Variants in FHIP1A observed in about 807,000 individuals in gnomAD.
The protein encoded by FHIP1A is FHF complex subunit HOOK-interacting protein 1A.
Under a neutral mutation model 88.6 loss-of-function variants are expected in FHIP1A, and 61 were observed. The observed-to-expected ratio is 0.69, with a 90% CI of 0.56 to 0.85. The LOEUF (loss-of-function observed/expected upper bound fraction) is 0.85, where lower values mean the gene tolerates loss of function less well. Among genes scored for constraint, FHIP1A ranks in the 40% least tolerant of loss-of-function variants. FHIP1A has a pLI of 0.00. For missense variants in FHIP1A, 1,154 were observed against 1,273.5 expected, an observed-to-expected ratio of 0.91 and a Z score of 1.43; for synonymous variants, 478 against 496.0, an observed-to-expected ratio of 0.96 and a Z score of 0.48.
At chr4:151,479,537 G>A (rs1056288049) in intron 2 of FHIP1A, among the ~76,000 whole-genome samples, 2 of 152,058 alleles carry the variant, frequency 1.3e-5, no homozygotes, top group African/African-American at 2.4e-5. Flanking sequence ...AGCTTCATGT[G>A]TTTGAAAACT....
chr4:151,647,230 T>C lies in FHIP1A; in HGVS notation c.1417+482T>C, dbSNP rs531920558. 2.0e-5 allele frequency among the ~76,000 whole-genome samples: 3 copies of C among 152,366 alleles called. No individual in the cohort carries two copies. In the South Asian group the frequency reaches 6.2e-4, roughly 32 times the overall value. ...ATTTGATTGACCTAATGAGGAAGGC[T>C]GCCATAAATACTTTACAGGGGTTAT... is the stretch of plus-strand genomic sequence containing the variant. On this transcript the variant is annotated intron_variant, in intron 10 of 13. Coordinates refer to ENST00000435205, the MANE Select transcript of FHIP1A (RefSeq NM_001109977.3).
At chr4:151,642,460 A>G (rs1002645517) in intron 9 of FHIP1A, among the ~76,000 whole-genome samples, 1 of 142,040 alleles carries the variant, frequency 7.0e-6, no homozygotes, top group Non-Finnish European at 1.5e-5. Context: ...AAGGAAAACA[A>G]CAACAACAAC....
At chr4:151,485,282 GTTT>G (rs74327398) in intron 3 of FHIP1A, among the ~76,000 whole-genome samples, 68 of 118,730 alleles carry the variant, frequency 5.7e-4, no homozygotes, top group African/African-American at 2.0e-3. Flanking sequence ...ATCTTTTCCA[GTTT>G]TTTTTTTTTT....
chr4:151,471,310 G>T (rs1338142340), intron 2 of FHIP1A, among the ~76,000 whole-genome samples: 6 of 128,760 alleles, frequency 4.7e-5, no homozygotes, highest in African/African-American at 6.0e-5. Flanking sequence ...AAACTTTAGC[G>T]TATTTTTTCC....
chr4:151,427,429 GAT>G (rs1474347239), intron 1 of FHIP1A, among the ~76,000 whole-genome samples: 4 of 152,016 alleles, frequency 2.6e-5, no homozygotes, highest in Admixed American at 2.6e-4. Flanking sequence ...ATTTGTTGTT[GAT>G]ATATGAGACT....
chr4:151,536,525 G>T (rs575130312), intron 3 of FHIP1A, among the ~76,000 whole-genome samples: 1 of 151,880 alleles, frequency 6.6e-6, no homozygotes, highest in Non-Finnish European at 1.5e-5. Flanking sequence ...AAATTTTATC[G>T]TTAAAAAATG....
At chr4:151,592,751 A>G (rs1734487069) in intron 7 of FHIP1A, among the ~76,000 whole-genome samples, 1 of 152,020 alleles carries the variant, frequency 6.6e-6, no homozygotes, top group Non-Finnish European at 1.5e-5. Context: ...TGCTGTGCAG[A>G]AGTTCTTTGG....
intron 9 of FHIP1A, among the ~76,000 whole-genome samples, chr4:151,644,609 C>G (rs1382148547): frequency 6.6e-6 from 1 of 152,150 alleles, no homozygotes; most frequent in Non-Finnish European, 1.5e-5. Context: ...GCCTTAGCTT[C>G]CCAAAATGCT....
intron 7 of FHIP1A, among the ~76,000 whole-genome samples, chr4:151,610,853 A>G (rs1735295680): frequency 1.3e-5 from 2 of 152,178 alleles, no homozygotes; most frequent in African/African-American, 2.4e-5. Context: ...ATTACCTGGT[A>G]TGATCATTAT....
chr4:151,439,877 T>G (rs1339801038), intron 1 of FHIP1A, among the ~76,000 whole-genome samples: 1 of 152,200 alleles, frequency 6.6e-6, no homozygotes, highest in Non-Finnish European at 1.5e-5. Flanking sequence ...TGTATTTTTC[T>G]AAAGCACTTT....
intron 3 of FHIP1A, among the ~76,000 whole-genome samples, chr4:151,562,663 T>C (rs1733222097): frequency 6.6e-6 from 1 of 152,236 alleles, no homozygotes; most frequent in Admixed American, 6.5e-5. Context: ...TTGTATGAGA[T>C]AATATTTAAA....
At chr4:151,517,806 A>G (rs2126689165) in intron 3 of FHIP1A, among the ~76,000 whole-genome samples, 1 of 152,270 alleles carries the variant, frequency 6.6e-6, no homozygotes, top group Admixed American at 6.5e-5. Flanking sequence ...AAAATAAATA[A>G]AAAACATTAA....
chr4:151,634,335 T>C (rs1578844208), intron 8 of FHIP1A, among the ~76,000 whole-genome samples: 2 of 151,824 alleles, frequency 1.3e-5, no homozygotes, highest in East Asian at 3.9e-4. Context: ...GCCATATTAC[T>C]CAAAAGCAAT....
In FHIP1A at chr4:151,557,491, T is replaced by G. The variant is rs143942216; in HGVS notation, c.-122-8647T>G. On this transcript the variant is annotated intron_variant, in intron 3 of 13. Coordinates refer to ENST00000435205, the MANE Select transcript of FHIP1A (RefSeq NM_001109977.3). ...TAATTTAGTGGAGAAGACTTTTAAT[T>G]AAAGAAGCATAGATAGCCTGAAACC... Among the ~76,000 whole-genome samples, 45 of 152,320 alleles carry G rather than the reference T, an allele frequency of 3.0e-4. No individual in the cohort carries two copies. In the East Asian group the frequency reaches 8.5e-3, roughly 29 times the overall value.
At chr4:151,621,566 T>C (rs1217427456) in intron 7 of FHIP1A, among the ~76,000 whole-genome samples, 20 of 12,550 alleles carry the variant, frequency 1.6e-3, no homozygotes, top group Admixed American at 9.5e-3. Context: ...TGGTGGGGGG[T>C]GCGTGGGGGA....
At chr4:151,524,865 CG>C (rs2126700636) in intron 3 of FHIP1A, among the ~76,000 whole-genome samples, 1 of 152,162 alleles carries the variant, frequency 6.6e-6, no homozygotes, top group African/African-American at 2.4e-5. Flanking sequence ...GTTGCCTGTT[CG>C]ACATGTAGAA....
At chr4:151,517,315 G>T (rs533830571) in intron 3 of FHIP1A, among the ~76,000 whole-genome samples, 2 of 152,108 alleles carry the variant, frequency 1.3e-5, no homozygotes, top group South Asian at 2.1e-4. Context: ...GTTGGGGGAG[G>T]GGGGAGGCAT....
At chr4:151,412,628 C>T (rs1171333747) in intron 1 of FHIP1A, among the ~76,000 whole-genome samples, 1 of 129,806 alleles carries the variant, frequency 7.7e-6, no homozygotes, top group Non-Finnish European at 1.7e-5. Flanking sequence ...CCCTCCCTCC[C>T]TCCCTCCCTC....
chr4:151,633,496 G>A (rs966927906), intron 8 of FHIP1A, among the ~76,000 whole-genome samples: 1 of 151,802 alleles, frequency 6.6e-6, no homozygotes, highest in Non-Finnish European at 1.5e-5. Context: ...ACTAGACAAA[G>A]ATACTTCAAG....
Sources: gnomAD v4.1 joint callset for allele counts (sites outside exome capture counted in the v4.1 genomes callset) on GRCh38, gnomAD v4.1.1 for gene constraint, MANE v1.5 for transcripts, NCBI Gene and HGNC (gene_info 2026-07-23, HGNC 2026-07-21) for gene names.